RAD18: variants seen among roughly 807,000 people sequenced by gnomAD.
The protein encoded by RAD18 is E3 ubiquitin-protein ligase RAD18.
Under a neutral mutation model 60.4 loss-of-function variants are expected in RAD18, and 47 were observed. The observed-to-expected ratio is 0.78, with a 90% confidence interval of 0.62 to 0.99. The LOEUF (loss-of-function observed/expected upper bound fraction) is 0.99, where lower values mean the gene tolerates loss of function less well. Among genes scored for constraint, RAD18 ranks in the 50% least tolerant of loss-of-function variants. The pLI is 0.00. For missense variants in RAD18, 640 were observed against 593.3 expected (o/e 1.08, Z -0.82); for synonymous variants, 225 against 195.5 (o/e 1.15, Z -1.26).
chr3:8,886,020 TAGTC>T (rs1939557435), intron 12 of RAD18, among the ~76,000 whole-genome samples: 2 of 152,184 alleles, frequency 1.3e-5, no homozygotes, highest in Non-Finnish European at 2.9e-5. Flanking sequence ...GTGGGTCAGT[TAGTC>T]AGCATCTGGC....
At chr3:8,938,379 G>T (rs1464124199) in intron 6 of RAD18, among the ~76,000 whole-genome samples, 5 of 152,140 alleles carry the variant, frequency 3.3e-5, no homozygotes, top group Non-Finnish European at 7.4e-5. Flanking sequence ...ATTAAGTGAT[G>T]TATTTTCTTT....
At chr3:8,903,228 T>G (rs932886925) in intron 9 of RAD18, among the ~76,000 whole-genome samples, 7 of 152,170 alleles carry the variant, frequency 4.6e-5, no homozygotes, top group African/African-American at 7.2e-5. Flanking sequence ...TACTCTAGGT[T>G]TCTTCCCAAA....
intron 7 of RAD18, chr3:8,931,702 T>C (rs1160856130): frequency 6.6e-6 from 1 of 152,200 alleles, no homozygotes; most frequent in African/African-American, 2.4e-5. Context: ...TAGAACAATT[T>C]TGAGAACACA....
At chr3:8,928,492 G>A (rs1485577051) in intron 7 of RAD18, among the ~76,000 whole-genome samples, 2 of 152,078 alleles carry the variant, frequency 1.3e-5, no homozygotes, top group African/African-American at 2.4e-5. Flanking sequence ...TAAAGTAGCT[G>A]CTATACTCAT....
At chr3:8,897,391 T>C (rs1939805472) in intron 11 of RAD18, among the ~76,000 whole-genome samples, 1 of 152,210 alleles carries the variant, frequency 6.6e-6, no homozygotes, top group East Asian at 1.9e-4. Context: ...TAAGCTTCAA[T>C]TTGATTACAA....
intron 3 of RAD18, 82 bp downstream of exon 3, chr3:8,948,427 T>C: frequency 8.1e-7 from 1 of 1,237,128 alleles, no homozygotes; most frequent in Non-Finnish European, 1.2e-6. Context: ...TCACCCTATA[T>C]ATACACAGGC....
chr3:8,929,416 T>C (rs941374754), intron 7 of RAD18, among the ~76,000 whole-genome samples: 9 of 151,876 alleles, frequency 5.9e-5, no homozygotes, highest in Admixed American at 1.3e-4. Flanking sequence ...ACAAACCCCA[T>C]AGATATTAAA....
chr3:8,958,622 CT>C (rs1315371371), intron 2 of RAD18, among the ~76,000 whole-genome samples: 2 of 152,266 alleles, frequency 1.3e-5, no homozygotes, highest in Non-Finnish European at 1.5e-5. Context: ...AATTCTGAAA[CT>C]TAACGTCAAA....
chr3:8,958,589 T>C (rs1370285873), intron 2 of RAD18, among the ~76,000 whole-genome samples: 1 of 152,206 alleles, frequency 6.6e-6, no homozygotes, highest in Non-Finnish European at 1.5e-5. Flanking sequence ...GAACCACCTA[T>C]CTGTTATCCT....
intron 9 of RAD18, among the ~76,000 whole-genome samples, chr3:8,906,417 T>C (rs1575539646): frequency 6.6e-6 from 1 of 152,098 alleles, no homozygotes; most frequent in African/African-American, 2.4e-5. Context: ...CCCCGAAAAG[T>C]TGTCTACCTT....
intron 2 of RAD18, among the ~76,000 whole-genome samples, chr3:8,952,621 C>A (rs1417920101): frequency 6.6e-6 from 1 of 152,140 alleles, no homozygotes; most frequent in Non-Finnish European, 1.5e-5. Flanking sequence ...TTGGTTAAGT[C>A]AAAAATGGAC....
At chr3:8,917,702 C>A (rs79979383) in intron 7 of RAD18, among the ~76,000 whole-genome samples, 1 of 39,720 alleles carries the variant, frequency 2.5e-5, no homozygotes, top group Non-Finnish European at 1.5e-4. Flanking sequence ...ATCCAAAAAA[C>A]AGCAAAAAAA....
chr3:8,925,058 A>G (rs564430875), intron 7 of RAD18, among the ~76,000 whole-genome samples: 2,425 of 152,058 alleles, frequency 0.016, 52 homozygotes, highest in African/African-American at 0.056. Context: ...AATAACTAAG[A>G]TCAGAGCAGA....
intron 7 of RAD18, among the ~76,000 whole-genome samples, chr3:8,919,415 G>A (rs1259245243): frequency 6.6e-6 from 1 of 152,180 alleles, no homozygotes; most frequent in East Asian, 1.9e-4. Flanking sequence ...CAACCCAGTT[G>A]CTGGAATTAT....
intron 10 of RAD18, 30 bp from the exon 11 acceptor site, chr3:8,899,077 A>G (rs1939855968): frequency 1.3e-6 from 2 of 1,525,970 alleles, no homozygotes; most frequent in Non-Finnish European, 1.8e-6. Flanking sequence ...AGAGTACCTT[A>G]AAATCTACAA....
At chr3:8,950,287 G>A (rs556357019) in intron 2 of RAD18, among the ~76,000 whole-genome samples, 6 of 152,012 alleles carry the variant, frequency 3.9e-5, no homozygotes, top group Admixed American at 6.6e-5. Context: ...CGCCCACCTC[G>A]GCCTCCCAGA....
intron 7 of RAD18, among the ~76,000 whole-genome samples, chr3:8,918,531 GGAAAGTA>G (rs1940250727): frequency 6.6e-6 from 1 of 152,102 alleles, no homozygotes; most frequent in Non-Finnish European, 1.5e-5. Flanking sequence ...AGAGAACTCT[GGAAAGTA>G]GAAAGAGGAA....
At chr3:8,954,956 C>T (rs77319001) in intron 2 of RAD18, among the ~76,000 whole-genome samples, 3,403 of 152,178 alleles carry the variant, frequency 0.022, 57 homozygotes, top group Non-Finnish European at 0.032. Context: ...AAAAAAAGTG[C>T]TCATAAAATA....
rs373338298 is a variant in RAD18, at chr3:8,898,880, T to C, written c.1322+14A>G. 1 of 1,540,936 alleles carries C rather than the reference T, an allele frequency of 6.5e-7. No homozygotes were observed. Among genetic ancestry groups the C allele is most frequent in the African/African-American group, 1.4e-5 (1 of 72,168 alleles). Reference sequence around the variant, plus strand: ...GTAGATATTTAAAATAATCAACTACTGCATGTTTCTTACCTATTGCATGAA... The same window carrying C: ...GTAGATATTTAAAATAATCAACTACCGCATGTTTCTTACCTATTGCATGAA... On this transcript the variant is annotated intron_variant, in intron 11 of 12. Coordinates refer to ENST00000264926, the MANE Select transcript of RAD18 (RefSeq NM_020165.4).
Sources: allele counts gnomAD v4.1 joint callset (sites outside exome capture counted in the v4.1 genomes callset), GRCh38; gene constraint gnomAD v4.1.1; transcripts MANE v1.5; gene names NCBI Gene and HGNC (gene_info 2026-07-23, HGNC 2026-07-21).